SFI1: variants seen among roughly 807,000 people sequenced by gnomAD.
SFI1 encodes the protein SFI1 centrin binding protein.
A neutral mutation model predicts 207.5 loss-of-function variants in SFI1; 195 were observed. The ratio of observed to expected loss-of-function variants is 0.94; its 90% CI spans 0.84 to 1.06. SFI1 has a LOEUF of 1.06. Among genes scored for constraint, SFI1 ranks in the 50% least tolerant of loss-of-function variants. The pLI is 0.00. For synonymous variants in SFI1, 630 were observed against 598.9 expected, an observed-to-expected ratio of 1.05 and a Z score of -0.76; for missense variants, 1,634 against 1,588.0, an observed-to-expected ratio of 1.03 and a Z score of -0.49.
At chr22:31,554,173 T>A (rs1191496275) in intron 6 of SFI1, among the ~76,000 whole-genome samples, 1 of 152,014 alleles carries the variant, frequency 6.6e-6, no homozygotes, top group Non-Finnish European at 1.5e-5. Context: ...TTAGATGTCA[T>A]CTCTAAGAAC....
chr22:31,560,270 A>G (rs953640761), intron 7 of SFI1, among the ~76,000 whole-genome samples: 2 of 151,850 alleles, frequency 1.3e-5, no homozygotes, highest in African/African-American at 4.8e-5. Context: ...GAAAAAAAAA[A>G]CAAGACTGAA....
At chr22:31,552,081 CTG>C (rs1181185572) in intron 6 of SFI1, among the ~76,000 whole-genome samples, 1 of 152,138 alleles carries the variant, frequency 6.6e-6, no homozygotes, top group Non-Finnish European at 1.5e-5. Flanking sequence ...ACCTTTATGT[CTG>C]TGTGTACCAA....
intron 20 of SFI1, chr22:31,605,352 C>G (rs1182294518): frequency 1.3e-5 from 2 of 159,342 alleles, no homozygotes; most frequent in Non-Finnish European, 2.7e-5. Context: ...GTCACTGACT[C>G]TCCAGCGTCA....
chr22:31,528,812 G>A lies in SFI1; in HGVS notation c.215G>A (p.Arg72His), dbSNP rs16989698. Reference protein sequence around the residue: ...LPSTSHLVQYRGTHTCTRQGR... With the variant: ...LPSTSHLVQYHGTHTCTRQGR... ...AGTACCAGTCATCTAGTGCAGTATC[G>A]TGGCACACATACTTGTACCCGACAG... The change falls in exon 3 of 33, where the codon CGT (arginine) becomes CAT (histidine). Residue 72 changes from arginine (R) to histidine (H), a missense_variant. By Grantham distance (29) the Arg-to-His change is conservative. Transcript: ENST00000400288. The A allele has an allele frequency of 2.3e-3, 3,696 of 1,614,022 alleles. 93 individuals are homozygous for A. The African/African-American group carries it at 0.044, about 19-fold the overall frequency.
Position 31,617,051 on chromosome 22 carries a change from AC to A in SFI1, c.3486del (p.Tyr1163ThrfsTer24). 6.2e-7 allele frequency: 1 copy of A among 1,614,094 alleles called. No homozygotes were observed. The highest frequency in any genetic ancestry group is 2.2e-5 in the East Asian group (1 of 44,880). On this transcript the variant is annotated frameshift_variant, in exon 31 of 33. Coordinates refer to ENST00000400288, the MANE Select transcript of SFI1 (RefSeq NM_001007467.3). LOFTEE classifies it high-confidence loss of function. ...ELEEIQQQLL[H>X]YQTTKQNLWS... ...GAGGAGATCCAGCAGCAACTACTGC[AC>A]TACCAGACCACCAAGCAGAACCTCT... is the stretch of plus-strand genomic sequence containing the variant.
intron 22 of SFI1, among the ~76,000 whole-genome samples, chr22:31,610,419 T>G (rs1569458391): frequency 6.6e-6 from 1 of 152,188 alleles, no homozygotes; most frequent in Admixed American, 6.5e-5. Context: ...CATGCAGCAC[T>G]AATGTGGGTG....
chr22:31,510,075 C>T (rs2055262809), intron 2 of SFI1, among the ~76,000 whole-genome samples: 1 of 152,070 alleles, frequency 6.6e-6, no homozygotes, highest in African/African-American at 2.4e-5. Flanking sequence ...GGTGATCTGC[C>T]CACCTCTGCC....
chr22:31,559,892 A>G, intron 7 of SFI1: 1 of 651,226 alleles, frequency 1.5e-6, no homozygotes. Flanking sequence ...GCACACCAAG[A>G]CCACTGGCCA....
At chr22:31,541,483 G>A (rs1481381856) in intron 4 of SFI1, among the ~76,000 whole-genome samples, 5 of 152,078 alleles carry the variant, frequency 3.3e-5, no homozygotes, top group South Asian at 2.1e-4. Flanking sequence ...TAGGCCAGGC[G>A]TGGTTGCTTG....
intron 5 of SFI1, among the ~76,000 whole-genome samples, 178 bp from the exon 6 acceptor site, chr22:31,550,076 C>T (rs1020666402): frequency 2.0e-5 from 3 of 152,102 alleles, no homozygotes; most frequent in South Asian, 2.1e-4. Context: ...GGATTATAGA[C>T]GTGTGCCACC....
At chr22:31,613,986 G>T in intron 27 of SFI1, 131 bp downstream of exon 27, 1 of 1,242,882 alleles carries the variant, frequency 8.0e-7, no homozygotes, top group African/African-American at 1.5e-5. Context: ...GAGCTGCTGG[G>T]AACCCCCTCT....
At chr22:31,496,666 C>T (rs527643765) in intron 1 of SFI1, 29 bp downstream of exon 1, 2 of 152,298 alleles carry the variant, frequency 1.3e-5, no homozygotes, top group Non-Finnish European at 2.9e-5. Context: ...ACGTCCCCAC[C>T]CTCTTCTGGG....
At chr22:31,562,214 A>G (rs1345354691) in intron 8 of SFI1, among the ~76,000 whole-genome samples, 1 of 152,204 alleles carries the variant, frequency 6.6e-6, no homozygotes, top group Non-Finnish European at 1.5e-5. Flanking sequence ...CTGCTTTCAG[A>G]TTACAAGAGC....
intron 17 of SFI1, 104 bp from the exon 18 acceptor site, chr22:31,603,640 C>T (rs1356117284): frequency 5.1e-6 from 5 of 976,984 alleles, no homozygotes; most frequent in Non-Finnish European, 7.0e-6. Flanking sequence ...CTTGGCTCCC[C>T]CAAAAACTTA....
chr22:31,607,958 G>C lies in SFI1; in HGVS notation c.2179G>C (p.Ala727Pro), dbSNP rs971841103. Reference sequence around the variant, plus strand: ...ATAGGTCCTGGTCCAGTGGCGGGAAGCTGTGTCAGTGCAGATGTATTACCG... The same window carrying C: ...ATAGGTCCTGGTCCAGTGGCGGGAACCTGTGTCAGTGCAGATGTATTACCG... ...CSKVLVQWRE[A>P]VSVQMYYRQQ... The change falls in exon 22 of 33, where the codon GCT (alanine) becomes CCT (proline). Residue 727 changes from alanine to proline, a missense_variant. Coordinates refer to ENST00000400288, the MANE Select transcript of SFI1 (RefSeq NM_001007467.3). The C allele has an allele frequency of 2.5e-6, 4 of 1,613,720 alleles. No homozygotes were observed. In the African/African-American group the frequency reaches 4.0e-5, roughly 16 times the overall value.
At chr22:31,573,442 T>A (rs1215880744) in intron 9 of SFI1, among the ~76,000 whole-genome samples, 1 of 151,720 alleles carries the variant, frequency 6.6e-6, no homozygotes, top group Admixed American at 6.6e-5. Flanking sequence ...AGATAGATTT[T>A]TTTTTTTTTT....
chr22:31,616,963 A>G, intron 30 of SFI1, 37 bp from the exon 31 acceptor site: 3 of 1,613,656 alleles, frequency 1.9e-6, no homozygotes, highest in Non-Finnish European at 2.5e-6. Context: ...CCCCGAGGGG[A>G]AAATAGTCTG....
At chr22:31,536,655 C>T (rs1335732083) in intron 4 of SFI1, among the ~76,000 whole-genome samples, 1 of 152,196 alleles carries the variant, frequency 6.6e-6, no homozygotes, top group Non-Finnish European at 1.5e-5. Context: ...TCAAGTGATC[C>T]ACCTGCCTTG....
At chr22:31,612,931 C>T in intron 24 of SFI1, 2 of 569,112 alleles carry the variant, frequency 3.5e-6, no homozygotes, top group South Asian at 4.5e-5. Context: ...AGCCCTTTGC[C>T]ACCTTCTTTC....
Sources: allele counts gnomAD v4.1 joint callset (sites outside exome capture counted in the v4.1 genomes callset), GRCh38; gene constraint gnomAD v4.1.1; transcripts MANE v1.5; gene names NCBI Gene and HGNC (gene_info 2026-07-23, HGNC 2026-07-21).